The following KCNQ3 variants were observed in gnomAD, a reference collection of about 807,000 sequenced individuals.
The protein encoded by KCNQ3 is potassium voltage-gated channel subfamily KQT member 3.
A neutral mutation model predicts 92.5 loss-of-function variants in KCNQ3; 30 were observed. The observed-to-expected ratio is 0.32, with a 90% confidence interval of 0.24 to 0.44. KCNQ3 has a LOEUF of 0.44. Ranked by LOEUF, KCNQ3 falls within the 20% of genes least tolerant of loss-of-function variation. KCNQ3 has a pLI of 1.00. For missense variants in KCNQ3, 913 were observed against 1,140.3 expected (o/e 0.80, Z 2.87); for synonymous variants, 450 against 468.8 (o/e 0.96, Z 0.52).
At chr8:132,312,672 T>C (rs986207001) in intron 1 of KCNQ3, among the ~76,000 whole-genome samples, 1 of 152,180 alleles carries the variant, frequency 6.6e-6, no homozygotes, top group Non-Finnish European at 1.5e-5. Context: ...CCCATGTTGT[T>C]CTTGTGATAG....
In KCNQ3 at chr8:132,466,391, A is replaced by G. The variant is rs1399508765; in HGVS notation, c.386+13756T>C. ...ACCAGTTGTCATTGGCGCCCTTCCC[A>G]TACCTCCTCAGGACTCACTCCCAGC... is the stretch of plus-strand genomic sequence containing the variant. On this transcript the variant is annotated intron_variant, in intron 1 of 14. Transcript: ENST00000388996. Among the ~76,000 whole-genome samples the G allele has an allele frequency of 2.0e-5, 3 of 151,814 alleles. No homozygotes were observed. In the East Asian group the frequency reaches 5.8e-4, roughly 30 times the overall value.
intron 3 of KCNQ3, among the ~76,000 whole-genome samples, chr8:132,180,950 G>C (rs1826747038): frequency 6.6e-6 from 1 of 152,060 alleles, no homozygotes; most frequent in South Asian, 2.1e-4. Context: ...TGGGACATCT[G>C]TTTCTTGCCT....
At position 132,271,175 on chromosome 8, in the gene KCNQ3, C is replaced by T. The variant is rs772942431; in HGVS notation, c.387-84994G>A. ...ATGAACCCCTTGGGAGTCTGGGCAT[C>T]GCAAGGCCTCAAGCAAGAGCCATTG... is the stretch of plus-strand genomic sequence containing the variant. On this transcript the variant is annotated intron_variant, in intron 1 of 14. Coordinates refer to ENST00000388996, the MANE Select transcript of KCNQ3 (RefSeq NM_004519.4). Among the ~76,000 whole-genome samples the T allele has an allele frequency of 4.6e-5, 7 of 152,204 alleles. No individual in the cohort carries two copies. In the South Asian group the frequency reaches 6.2e-4, roughly 14 times the overall value.
rs150417329 is a variant in KCNQ3, at chr8:132,352,353, C to T, written c.386+127794G>A. ...TCACAGGTGGGTGGGGTGCTGCGAT[C>T]GTCTAGTGTGCAAGGATGCTGCTAA... On this transcript the variant is annotated intron_variant, in intron 1 of 14. Transcript: ENST00000388996. Among the ~76,000 whole-genome samples, 366 of 152,198 alleles carry T rather than the reference C, an allele frequency of 2.4e-3. 9 individuals are homozygous for T. Among genetic ancestry groups the T allele is most frequent in the Admixed American group, 0.02 (304 of 15,286 alleles).
intron 7 of KCNQ3, among the ~76,000 whole-genome samples, chr8:132,172,374 C>T (rs376392755): frequency 1.2e-4 from 18 of 149,014 alleles, no homozygotes; most frequent in African/African-American, 4.4e-4. Context: ...GCAAGCAGGC[C>T]TGCTCCTGCC....
At chr8:132,132,825 G>T (rs1399604696) in intron 13 of KCNQ3, among the ~76,000 whole-genome samples, 3 of 152,206 alleles carry the variant, frequency 2.0e-5, no homozygotes, top group Non-Finnish European at 4.4e-5. Context: ...GTTATCCACT[G>T]TTAATATCTG....
chr8:132,216,718 T>G (rs62519651), intron 1 of KCNQ3, among the ~76,000 whole-genome samples: 16,443 of 152,146 alleles, frequency 0.11, 1,760 homozygotes, highest in African/African-American at 0.27. Flanking sequence ...CACAGAGGGA[T>G]GGTACACACA....
At chr8:132,180,361 A>G in intron 3 of KCNQ3, 32 bp from the exon 4 acceptor site, 1 of 1,611,960 alleles carries the variant, frequency 6.2e-7, no homozygotes, top group Non-Finnish European at 8.5e-7. Context: ...GTGGGAGGGA[A>G]GAGGGAAAGG....
intron 1 of KCNQ3, among the ~76,000 whole-genome samples, chr8:132,446,114 G>A (rs573453574): frequency 6.6e-6 from 1 of 152,208 alleles, no homozygotes; most frequent in Non-Finnish European, 1.5e-5. Flanking sequence ...GATAAGCTGG[G>A]TTACTGTTTG....
intron 6 of KCNQ3, among the ~76,000 whole-genome samples, chr8:132,173,053 T>G (rs1300129844): frequency 6.6e-6 from 1 of 152,248 alleles, no homozygotes; most frequent in Non-Finnish European, 1.5e-5. Flanking sequence ...ATAACCTTTA[T>G]AAACTGCCAG....
At chr8:132,384,848 A>C (rs1007305841) in intron 1 of KCNQ3, among the ~76,000 whole-genome samples, 2 of 152,220 alleles carry the variant, frequency 1.3e-5, no homozygotes, top group African/African-American at 4.8e-5. Flanking sequence ...GTAAAATGGA[A>C]ACACTGATAG....
At chr8:132,256,340 G>A (rs1012573073) in intron 1 of KCNQ3, among the ~76,000 whole-genome samples, 6 of 151,972 alleles carry the variant, frequency 3.9e-5, no homozygotes, top group South Asian at 2.1e-4. Context: ...AAAGAAAAAC[G>A]AATAGAGCCC....
At chr8:132,136,269 G>A (rs7839133) in intron 12 of KCNQ3, among the ~76,000 whole-genome samples, 8 of 152,024 alleles carry the variant, frequency 5.3e-5, no homozygotes, top group South Asian at 4.2e-4. Flanking sequence ...AACATCACTC[G>A]GACAGGGAAG....
intron 1 of KCNQ3, among the ~76,000 whole-genome samples, chr8:132,317,844 T>C (rs1231038861): frequency 6.6e-6 from 1 of 152,100 alleles, no homozygotes; most frequent in Non-Finnish European, 1.5e-5. Context: ...GAGAGTGATA[T>C]CTGCAATGGA....
rs73355088 is a variant in KCNQ3, at chr8:132,163,628, G to A, written c.1236-134C>T. On this transcript the variant is annotated intron_variant, in intron 8 of 14. Transcript: ENST00000388996. Reference sequence around the variant, plus strand: ...TGAGCTCTAGGACAGGATGGTCAGTGTGGAGGGAACCAATGAAGGAGGCGG... The same window carrying A: ...TGAGCTCTAGGACAGGATGGTCAGTATGGAGGGAACCAATGAAGGAGGCGG... The A allele has an allele frequency of 0.074, 59,784 of 804,712 alleles. 2,752 individuals are homozygous for A. Among genetic ancestry groups the A allele is most frequent in the South Asian group, 0.13 (9,031 of 68,856 alleles). 49.8% of individuals were successfully genotyped at this position (804,712 alleles called of 1,614,324 possible). A position where few individuals can be genotyped will look rare whatever the true frequency, so the allele number is the denominator to read the frequency against.
chr8:132,312,453 C>T (rs181455573), intron 1 of KCNQ3, among the ~76,000 whole-genome samples: 15 of 152,002 alleles, frequency 9.9e-5, no homozygotes, highest in Non-Finnish European at 1.9e-4. Context: ...CAGAACCTTG[C>T]CTTGGGGGTG....
intron 1 of KCNQ3, among the ~76,000 whole-genome samples, chr8:132,431,803 A>G (rs1210004680): frequency 6.6e-6 from 1 of 152,176 alleles, no homozygotes; most frequent in Non-Finnish European, 1.5e-5. Context: ...TAGTATCCCA[A>G]CTTACATGGA....
intron 1 of KCNQ3, among the ~76,000 whole-genome samples, chr8:132,264,365 A>C (rs1356762909): frequency 2.0e-5 from 3 of 152,174 alleles, no homozygotes; most frequent in Non-Finnish European, 4.4e-5. Context: ...GCCCCCAGCT[A>C]TCAGGAGGGG....
intron 1 of KCNQ3, among the ~76,000 whole-genome samples, chr8:132,259,543 T>A (rs987472549): frequency 5.9e-5 from 9 of 152,116 alleles, no homozygotes; most frequent in African/African-American, 2.2e-4. Context: ...GCTAACACAG[T>A]CCTTGGTAGT....
Sources: allele counts gnomAD v4.1 joint callset (sites outside exome capture counted in the v4.1 genomes callset), GRCh38; gene constraint gnomAD v4.1.1; transcripts MANE v1.5; gene names NCBI Gene and HGNC (gene_info 2026-07-23, HGNC 2026-07-21).